GRAMD1B: variants seen among roughly 807,000 people sequenced by gnomAD.
GRAMD1B encodes protein Aster-B.
GRAMD1B carries 37 observed loss-of-function variants against 99.7 expected under a neutral mutation model. That is an observed-to-expected ratio of 0.37 (90% CI 0.29 to 0.49). GRAMD1B has a LOEUF of 0.49. GRAMD1B is among the 20% of genes least tolerant of loss of function. GRAMD1B has a pLI of 0.98. For synonymous variants in GRAMD1B, 427 were observed against 387.6 expected (o/e 1.10, Z -1.19); for missense variants, 888 against 1,009.2 (o/e 0.88, Z 1.63).
At chr11:123,394,671 T>A (rs1281611272) in intron 1 of GRAMD1B, among the ~76,000 whole-genome samples, 1 of 152,244 alleles carries the variant, frequency 6.6e-6, no homozygotes, top group Admixed American at 6.5e-5. Context: ...TTTATGTACC[T>A]GTCTTGTTCC....
chr11:123,449,714 C>CTTTTGTTTTTTTTTT (rs1949797484), intron 1 of GRAMD1B, among the ~76,000 whole-genome samples: 1 of 99,988 alleles, frequency 1.0e-5, no homozygotes, highest in Non-Finnish European at 2.1e-5. Context: ...CCATGCCTGG[C>CTTTTGTTTTTTTTTT]TTTTTTTTTT....
At chr11:123,396,281 T>TG (rs202182682) in intron 1 of GRAMD1B, among the ~76,000 whole-genome samples, 4,755 of 146,078 alleles carry the variant, frequency 0.033, 176 homozygotes, top group Non-Finnish European at 0.037. Context: ...TTCTTCTTCT[T>TG]CTTTTTTTTT....
chr11:123,469,841 C>G (rs550348301), intron 1 of GRAMD1B, among the ~76,000 whole-genome samples: 1 of 145,568 alleles, frequency 6.9e-6, no homozygotes, highest in Admixed American at 7.0e-5. Context: ...CCTGATGGCA[C>G]AAGAAAAAAA....
chr11:123,369,783 G>C (rs531380007), intron 1 of GRAMD1B, among the ~76,000 whole-genome samples: 7 of 151,972 alleles, frequency 4.6e-5, no homozygotes, highest in African/African-American at 1.7e-4. Context: ...GAGGTGGGAT[G>C]ATCCCTTGAG....
At chr11:123,514,372 C>T (rs1355905379) in intron 2 of GRAMD1B, among the ~76,000 whole-genome samples, 2 of 152,196 alleles carry the variant, frequency 1.3e-5, no homozygotes, top group Non-Finnish European at 2.9e-5. Context: ...GCTCTGTGAA[C>T]TTGAGTGGGT....
At chr11:123,599,553 A>C in intron 7 of GRAMD1B, 1 of 459,534 alleles carries the variant, frequency 2.2e-6, no homozygotes, top group South Asian at 1.8e-5. Flanking sequence ...GCTCACTACA[A>C]CCTCTGCCTT....
At chr11:123,431,275 G>C (rs1200982028) in intron 1 of GRAMD1B, 109 bp downstream of exon 1, 2 of 595,938 alleles carry the variant, frequency 3.4e-6, no homozygotes, top group African/African-American at 1.9e-5. Context: ...ACAGGAGCCC[G>C]TCACCAGAGG....
chr11:123,500,049 C>T (rs1018180240), intron 2 of GRAMD1B, among the ~76,000 whole-genome samples: 6 of 152,208 alleles, frequency 3.9e-5, no homozygotes, highest in South Asian at 4.1e-4. Context: ...GTATTTTGGC[C>T]GGACGCAGTG....
intron 2 of GRAMD1B, among the ~76,000 whole-genome samples, chr11:123,513,583 TTCCTTCC>T (rs1941311434): frequency 1.4e-5 from 1 of 68,976 alleles, no homozygotes. Flanking sequence ...CTTCCTTTCC[TTCCTTCC>T]TTCCTTCCTT....
chr11:123,383,683 C>T (rs568838695), intron 1 of GRAMD1B, among the ~76,000 whole-genome samples: 25 of 151,816 alleles, frequency 1.6e-4, no homozygotes, highest in Non-Finnish European at 3.4e-4. Flanking sequence ...GTGGGTCTTT[C>T]GTTTTTATTT....
At chr11:123,556,267 T>C (rs987674263) in intron 2 of GRAMD1B, among the ~76,000 whole-genome samples, 1 of 152,256 alleles carries the variant, frequency 6.6e-6, no homozygotes, top group Non-Finnish European at 1.5e-5. Context: ...CAGATTTATG[T>C]AAACTGTTTG....
chr11:123,613,622 G>A lies in GRAMD1B; in HGVS notation c.2191G>A (p.Asp731Asn), dbSNP rs912435884. Residue 731 changes from aspartate to asparagine, a missense_variant, in exon 16 of 20, where the codon GAT becomes AAT. Physicochemically the swap from Asp to Asn is conservative, Grantham distance 23. Coordinates refer to ENST00000635736, the MANE Select transcript of GRAMD1B (RefSeq NM_001387025.1). Reference sequence around the variant, plus strand: ...GATGAGCCCGGTCACCACGCCCACAGATGAGGATGTGGGCCACAGGATCAA... The same window carrying A: ...GATGAGCCCGGTCACCACGCCCACAAATGAGGATGTGGGCCACAGGATCAA... ...EVMSPVTTPT[D>N]EDVGHRIKHV... 13 of 1,613,744 alleles carry A rather than the reference G, an allele frequency of 8.1e-6. No individual in the cohort carries two copies. The highest frequency in any genetic ancestry group is 1.0e-5 in the Non-Finnish European group (12 of 1,179,826).
intron 2 of GRAMD1B, among the ~76,000 whole-genome samples, chr11:123,552,015 TC>T (rs1274678763): frequency 2.0e-5 from 3 of 152,160 alleles, no homozygotes; most frequent in Admixed American, 2.0e-4. Flanking sequence ...CCCATTTTTT[TC>T]CTCCCCAGGA....
chr11:123,568,952 T>C (rs533877697), intron 2 of GRAMD1B, among the ~76,000 whole-genome samples: 1 of 152,186 alleles, frequency 6.6e-6, no homozygotes, highest in African/African-American at 2.4e-5. Context: ...CTTAGAACAG[T>C]GCAGGTCTTA....
chr11:123,518,596 C>A (rs1941901028), intron 2 of GRAMD1B, among the ~76,000 whole-genome samples: 1 of 152,140 alleles, frequency 6.6e-6, no homozygotes, highest in Non-Finnish European at 1.5e-5. Context: ...CCAATTACAA[C>A]CTTATAGAGC....
intron 7 of GRAMD1B, chr11:123,598,489 A>G (rs544265070): frequency 8.3e-7 from 1 of 1,201,040 alleles, no homozygotes; most frequent in Admixed American, 1.7e-5. Flanking sequence ...GCTTCTAGAA[A>G]AGCAATGTCT....
intron 2 of GRAMD1B, among the ~76,000 whole-genome samples, chr11:123,559,459 T>C (rs1213519238): frequency 6.6e-6 from 1 of 152,056 alleles, no homozygotes; most frequent in Non-Finnish European, 1.5e-5. Flanking sequence ...TAGGTGATTG[T>C]GGTGGGAATG....
chr11:123,395,432 T>C (rs980249448), intron 1 of GRAMD1B, among the ~76,000 whole-genome samples: 1 of 152,086 alleles, frequency 6.6e-6, no homozygotes, highest in African/African-American at 2.4e-5. Context: ...CCCCTTCATA[T>C]ACAGCCAAAT....
intron 1 of GRAMD1B, among the ~76,000 whole-genome samples, chr11:123,370,168 A>G (rs1244780010): frequency 6.6e-6 from 1 of 151,690 alleles, no homozygotes; most frequent in Non-Finnish European, 1.5e-5. Context: ...TTCAAAAATT[A>G]GCTGGGGATG....
Sources: gnomAD v4.1 joint callset for allele counts (sites outside exome capture counted in the v4.1 genomes callset) on GRCh38, gnomAD v4.1.1 for gene constraint, MANE v1.5 for transcripts, NCBI Gene and HGNC (gene_info 2026-07-23, HGNC 2026-07-21) for gene names.